PPP2R5C: variants seen among roughly 807,000 people sequenced by gnomAD.
The protein encoded by PPP2R5C is protein phosphatase 2 regulatory subunit B'gamma.
Under a neutral mutation model 68.9 loss-of-function variants are expected in PPP2R5C, and 7 were observed. The observed-to-expected ratio is 0.10, with a 90% CI of 0.06 to 0.19. The LOEUF is 0.19. Among genes scored for constraint, PPP2R5C ranks in the 10% least tolerant of loss-of-function variants. PPP2R5C has a pLI of 1.00. For missense variants in PPP2R5C, 348 were observed against 641.3 expected (o/e 0.54, Z 4.94); for synonymous variants, 210 against 222.2 (o/e 0.95, Z 0.49).
At chr14:101,869,472 AGT>A (rs1374628893) in intron 2 of PPP2R5C, among the ~76,000 whole-genome samples, 4 of 152,292 alleles carry the variant, frequency 2.6e-5, no homozygotes, top group African/African-American at 9.6e-5. Context: ...GTGAATGGTA[AGT>A]GTGTGTTGAG....
chr14:101,814,763 A>G (rs2039559937), intron 1 of PPP2R5C, among the ~76,000 whole-genome samples: 1 of 152,228 alleles, frequency 6.6e-6, no homozygotes. Context: ...GTGGTTTGGG[A>G]TACATCCTAA....
At chr14:101,898,983 A>G (rs751665928) in intron 8 of PPP2R5C, among the ~76,000 whole-genome samples, 14 of 152,204 alleles carry the variant, frequency 9.2e-5, no homozygotes, top group African/African-American at 2.9e-4. Flanking sequence ...GCCTGCACCA[A>G]AGGGACTCCT....
At chr14:101,765,027 A>T (rs1448585589) in intron 2 of PPP2R5C, 2 of 614,434 alleles carry the variant, frequency 3.3e-6, no homozygotes, top group East Asian at 5.5e-5. Flanking sequence ...CAGTAGTTCA[A>T]AGATACCAAA....
chr14:101,796,816 C>G (rs1322114698), intron 3 of PPP2R5C: 3 of 241,942 alleles, frequency 1.2e-5, no homozygotes, highest in African/African-American at 4.6e-5. Context: ...CTTGGACATT[C>G]CCGTCCTCTG....
At chr14:101,795,461 C>T (rs1411929082) in intron 3 of PPP2R5C, among the ~76,000 whole-genome samples, 1 of 151,900 alleles carries the variant, frequency 6.6e-6, no homozygotes, top group African/African-American at 2.4e-5. Flanking sequence ...TGAATTAATG[C>T]CTTCATTTAA....
intron 1 of PPP2R5C, among the ~76,000 whole-genome samples, chr14:101,817,208 G>A (rs113355561): frequency 0.012 from 1,889 of 151,812 alleles, 35 homozygotes; most frequent in African/African-American, 0.042. Flanking sequence ...CACCCGCCTC[G>A]GCCTCCCAAA....
At position 101,894,553 on chromosome 14, in the gene PPP2R5C, C is replaced by T. The variant is rs1318660665; in HGVS notation, c.845C>T (p.Thr282Met). 3 of 1,613,518 alleles carry T rather than the reference C, an allele frequency of 1.9e-6. No homozygotes were observed. The highest frequency in any genetic ancestry group is 1.7e-5 in the Admixed American group (1 of 60,020). Residue 282 changes from threonine (T) to methionine (M), a missense_variant, in exon 8 of 14, where the codon ACG (threonine) becomes ATG (methionine). By Grantham distance (81) the Thr-to-Met change is moderately conservative. Around this residue, in one of 4 missense-constraint regions of PPP2R5C, gnomAD observed 101 missense variants for 209.8 expected, o/e 0.48. Coordinates refer to ENST00000334743, the Ensembl canonical transcript of PPP2R5C. ...TTTTTAGAAAAGGACAGCACCCTCA[C>T]GGAACCAGTAAGTACTGATGCTAGC...
chr14:101,849,950 G>A (rs2042054795), intron 1 of PPP2R5C, among the ~76,000 whole-genome samples: 1 of 152,214 alleles, frequency 6.6e-6, no homozygotes, highest in African/African-American at 2.4e-5. Context: ...TCTCAGGGGT[G>A]TCTTGGTTAG....
chr14:101,826,969 C>CTTTTTT (rs1030539072), intron 1 of PPP2R5C, among the ~76,000 whole-genome samples: 50 of 95,854 alleles, frequency 5.2e-4, no homozygotes, highest in Non-Finnish European at 6.0e-4. Context: ...AAATGTTTAA[C>CTTTTTT]TTTTTTTTTT....
chr14:101,922,951 A>G (rs1424054556), intron 13 of PPP2R5C, among the ~76,000 whole-genome samples: 1 of 152,206 alleles, frequency 6.6e-6, no homozygotes, highest in Non-Finnish European at 1.5e-5. Context: ...TGTATGCCCA[A>G]TGCCTGGTGT....
chr14:101,886,307 A>G (rs2044510721), intron 5 of PPP2R5C, among the ~76,000 whole-genome samples: 1 of 151,996 alleles, frequency 6.6e-6, no homozygotes, highest in Admixed American at 6.6e-5. Context: ...AGTAGTAGAA[A>G]GTGTTTTGTA....
rs942850316 is a variant in PPP2R5C at position 101,915,475 on chromosome 14, G to T, written c.1327-2356G>T. 5.3e-5 allele frequency among the ~76,000 whole-genome samples: 8 copies of T among 152,196 alleles called. No individual in the cohort carries two copies. The highest frequency in any genetic ancestry group is 4.6e-4 in the Admixed American group (7 of 15,288). On this transcript the variant is annotated intron_variant, in intron 12 of 13. Transcript: ENST00000334743. The surrounding 1 kb of genome is among the most constrained non-coding windows in gnomAD (Gnocchi z 4.2). ...TGTGAACATCTGGTAGCATTCTTGT[G>T]TAGGGACACTCTCCTTTGCCCCGAG...
chr14:101,864,715 A>G lies in PPP2R5C; in HGVS notation c.294+7830A>G, dbSNP rs184642190. On this transcript the variant is annotated intron_variant, in intron 2 of 13. Coordinates refer to ENST00000334743, the Ensembl canonical transcript of PPP2R5C. ...AGAAGGAACAGCTCCTCTAAAGCCC[A>G]AAGACTAGAGAAAGTAAGACGTGTT... 1.4e-4 allele frequency among the ~76,000 whole-genome samples: 22 copies of G among 152,302 alleles called. No homozygotes were observed. The East Asian group carries it at 4.3e-3, about 29-fold the overall frequency.
intron 2 of PPP2R5C, among the ~76,000 whole-genome samples, chr14:101,768,443 T>A (rs1303185424): frequency 6.6e-6 from 1 of 152,238 alleles, no homozygotes; most frequent in Admixed American, 6.5e-5. Context: ...GCTGAACGTT[T>A]TTAAATAGTT....
intron 3 of PPP2R5C, among the ~76,000 whole-genome samples, chr14:101,798,493 A>C (rs1014636641): frequency 3.3e-5 from 5 of 152,250 alleles, no homozygotes; most frequent in Non-Finnish European, 4.4e-5. Flanking sequence ...CAAGCCAGGC[A>C]CAGTGGTGTG....
chr14:101,831,334 T>G (rs972647769), intron 1 of PPP2R5C, among the ~76,000 whole-genome samples: 1 of 152,230 alleles, frequency 6.6e-6, no homozygotes, highest in African/African-American at 2.4e-5. Context: ...AAGAATTTGA[T>G]AAGGCTTAAA....
At chr14:101,880,406 T>G (rs1314029306) in intron 2 of PPP2R5C, among the ~76,000 whole-genome samples, 1 of 152,190 alleles carries the variant, frequency 6.6e-6, no homozygotes, top group Non-Finnish European at 1.5e-5. Context: ...GCTCAGATGC[T>G]TGATACTCAG....
At chr14:101,826,925 T>A (rs562439606) in intron 1 of PPP2R5C, among the ~76,000 whole-genome samples, 2 of 152,150 alleles carry the variant, frequency 1.3e-5, no homozygotes, top group South Asian at 4.1e-4. Context: ...TTGAATTTAG[T>A]ATTCTGTTTC....
At chr14:101,806,400 G>C (rs1432227831), upstream of PPP2R5C, among the ~76,000 whole-genome samples, 1 of 151,992 alleles carries the variant, frequency 6.6e-6, no homozygotes, top group African/African-American at 2.4e-5. Flanking sequence ...GAGAATGATG[G>C]CTTCCAGTTT....
Sources: gnomAD v4.1 joint callset for allele counts (sites outside exome capture counted in the v4.1 genomes callset) on GRCh38, gnomAD v4.1.1 for gene constraint, gnomAD v4.1.1 regional missense constraint, Gnocchi (gnomAD v3.1) non-coding constraint, MANE v1.5 for transcripts, NCBI Gene and HGNC (gene_info 2026-07-23, HGNC 2026-07-21) for gene names.